The following NFATC1 variants were observed in gnomAD, a reference collection of about 807,000 sequenced individuals.
NFATC1 encodes nuclear factor of activated T-cells, cytoplasmic 1.
A neutral mutation model predicts 76.0 loss-of-function variants in NFATC1; 22 were observed. That is an observed-to-expected ratio of 0.29 (90% CI 0.21 to 0.41). The LOEUF (loss-of-function observed/expected upper bound fraction) is 0.41. Ranked by LOEUF, NFATC1 falls within the 10% of genes least tolerant of loss-of-function variation. The probability of loss-of-function intolerance (pLI) is 1.00; values close to 1 mark genes in which losing one functional copy is unlikely to be tolerated. For synonymous variants in NFATC1, 704 were observed against 613.1 expected, an observed-to-expected ratio of 1.15 and a Z score of -2.19; for missense variants, 1,357 against 1,337.7, an observed-to-expected ratio of 1.01 and a Z score of -0.23.
intron 2 of NFATC1, among the ~76,000 whole-genome samples, chr18:79,425,629 G>A (rs745389416): frequency 1.2e-4 from 18 of 152,220 alleles, no homozygotes; most frequent in Non-Finnish European, 2.5e-4. Flanking sequence ...TTCTGCTGCC[G>A]AGGGCGCGAT....
chr18:79,491,336 CAG>C lies in NFATC1; in HGVS notation c.2782+4401_2782+4402del, dbSNP rs1037601525. 1.3e-3 allele frequency among the ~76,000 whole-genome samples: 203 copies of C among 152,236 alleles called. 1 individual carries two copies. Among genetic ancestry groups the C allele is most frequent in the Non-Finnish European group, 4.9e-4 (33 of 68,006 alleles). ...CTGGAGAAGGAGCAGAGACGAGAGACAGAAACAACACGAACCCCAGGTCAAGT... is the reference window on the plus strand; with the variant it reads ...CTGGAGAAGGAGCAGAGACGAGAGACAAACAACACGAACCCCAGGTCAAGT... On this transcript the variant is annotated intron_variant, in intron 9 of 9. Transcript: ENST00000427363.
Position 79,395,992 on chromosome 18 carries a change from AGCAGGGCGCGGGCACCGGGGCGCGG to A in NFATC1, c.-225_-201del, listed in dbSNP as rs1163927943. 8 of 255,922 alleles carry A rather than the reference AGCAGGGCGCGGGCACCGGGGCGCGG, an allele frequency of 3.1e-5. No individual in the cohort carries two copies. The highest frequency in any genetic ancestry group is 1.3e-3 in the Middle Eastern group (1 of 792). 15.9% of individuals were successfully genotyped at this position (255,922 alleles called of 1,614,324 possible). On this transcript the variant is annotated 5_prime_UTR_variant, in exon 1 of 10. Transcript: ENST00000427363. Reference sequence around the variant, plus strand: ...CGGAGTCGCCGCGCCAGATCCCAGCAGCAGGGCGCGGGCACCGGGGCGCGGGCAGGGCTCGGAGCCACCGCGCAGG... The same window carrying A: ...CGGAGTCGCCGCGCCAGATCCCAGCAGCAGGGCTCGGAGCCACCGCGCAGG...
In NFATC1 at chr18:79,528,230, A is replaced by G. The variant is rs979085054; in HGVS notation, c.*653A>G. Reference sequence around the variant, plus strand: ...CCCTTGTCTGCGCGGTTGAAACCGTAGGCTTGTTCATAGTCGCATGCTCGC... The same window carrying G: ...CCCTTGTCTGCGCGGTTGAAACCGTGGGCTTGTTCATAGTCGCATGCTCGC... On this transcript the variant is annotated 3_prime_UTR_variant, in exon 10 of 10. Transcript: ENST00000427363. 2.2e-5 allele frequency: 7 copies of G among 313,480 alleles called. No individual in the cohort carries two copies. Among genetic ancestry groups the G allele is most frequent in the African/African-American group, 1.5e-4 (7 of 46,870 alleles). 19.4% of individuals were successfully genotyped at this position (313,480 alleles called of 1,614,324 possible).
chr18:79,513,866 G>A lies in NFATC1; in HGVS notation c.2783-13662G>A, dbSNP rs545746599. On this transcript the variant is annotated intron_variant, in intron 9 of 9. Coordinates refer to ENST00000427363, the MANE Select transcript of NFATC1 (RefSeq NM_001278669.2). ...CTGGCTGTGCCATGTGCATGCCCAC[G>A]TCCAGGACGGGCCACTGTGGAGCCC... Among the ~76,000 whole-genome samples, 10 of 152,324 alleles carry A rather than the reference G, an allele frequency of 6.6e-5. No homozygotes were observed. In the East Asian group the frequency reaches 9.7e-4, roughly 15 times the overall value.
intron 2 of NFATC1, 69 bp from the exon 3 acceptor site, chr18:79,433,510 C>T: frequency 6.3e-7 from 1 of 1,590,064 alleles, no homozygotes. Context: ...GACGGGTGAG[C>T]ACGGGCACGT....
At chr18:79,411,791 G>A (rs2085697255) in intron 2 of NFATC1, among the ~76,000 whole-genome samples, 2 of 152,238 alleles carry the variant, frequency 1.3e-5, no homozygotes, top group South Asian at 2.1e-4. Flanking sequence ...TGTTCGCTCA[G>A]TCTCTGCAAA....
chr18:79,397,166 C>A (rs923985535), intron 1 of NFATC1, among the ~76,000 whole-genome samples: 1 of 152,176 alleles, frequency 6.6e-6, no homozygotes, highest in Non-Finnish European at 1.5e-5. Context: ...CTGGCGATGC[C>A]GGGTGGGCTC....
intron 9 of NFATC1, among the ~76,000 whole-genome samples, chr18:79,503,205 C>T (rs997257797): frequency 1.3e-5 from 2 of 152,218 alleles, no homozygotes; most frequent in African/African-American, 4.8e-5. Flanking sequence ...GAAAAATCCA[C>T]ACACGAGACC....
At chr18:79,471,166 C>A (rs3786199) in intron 8 of NFATC1, among the ~76,000 whole-genome samples, 17 of 152,240 alleles carry the variant, frequency 1.1e-4, no homozygotes, top group African/African-American at 4.1e-4. Flanking sequence ...CCGGAAGGCG[C>A]GTTAGGAGGG....
intron 1 of NFATC1, among the ~76,000 whole-genome samples, chr18:79,403,835 G>A (rs537587708): frequency 2.6e-5 from 4 of 152,252 alleles, no homozygotes; most frequent in South Asian, 2.1e-4. Flanking sequence ...CGGGGTGTCC[G>A]TGGCTGGTCG....
chr18:79,464,304 A>G (rs1224279264), intron 7 of NFATC1, among the ~76,000 whole-genome samples: 1 of 152,122 alleles, frequency 6.6e-6, no homozygotes, highest in East Asian at 1.9e-4. Context: ...CATGTTGTCC[A>G]GGCTGGTCTT....
In NFATC1 at chr18:79,486,245, C is replaced by A; in HGVS notation, c.2093-3C>A. 1 of 1,591,310 alleles carries A rather than the reference C, an allele frequency of 6.3e-7. No individual in the cohort carries two copies. The highest frequency in any genetic ancestry group is 8.6e-7 in the Non-Finnish European group (1 of 1,165,842). On this transcript the variant is annotated splice_region_variant and splice_polypyrimidine_tract_variant and intron_variant, in intron 8 of 9. Coordinates refer to ENST00000427363, the MANE Select transcript of NFATC1 (RefSeq NM_001278669.2). ...TATTTAATTTTTTTTTTCCTTCTCA[C>A]AGTTCCAATTATAAAAACAGAACCC...
intron 9 of NFATC1, among the ~76,000 whole-genome samples, chr18:79,505,806 G>T (rs2090108089): frequency 1.3e-5 from 2 of 148,352 alleles, no homozygotes; most frequent in East Asian, 4.0e-4. Flanking sequence ...TGTGTGGGAG[G>T]AGGTGGTGCT....
intron 3 of NFATC1, among the ~76,000 whole-genome samples, chr18:79,439,832 T>G (rs1368911641): frequency 6.6e-6 from 1 of 152,156 alleles, no homozygotes; most frequent in East Asian, 1.9e-4. Flanking sequence ...AGATGCTCGG[T>G]GCTGCTGGGA....
intron 6 of NFATC1, among the ~76,000 whole-genome samples, chr18:79,459,381 G>T (rs2087930933): frequency 6.6e-6 from 1 of 152,250 alleles, no homozygotes; most frequent in Non-Finnish European, 1.5e-5. Flanking sequence ...CCACCTGGAG[G>T]AGGCCGCGGG....
At position 79,425,328 on chromosome 18, in the gene NFATC1, G is replaced by A. The variant is rs777472920; in HGVS notation, c.1227-8251G>A. ...TTCTCTTTTAACTAAGGGAAAAGCCGTCACACAACCAAATGGCCATGAGGC... is the reference window on the plus strand; with the variant it reads ...TTCTCTTTTAACTAAGGGAAAAGCCATCACACAACCAAATGGCCATGAGGC... On this transcript the variant is annotated intron_variant, in intron 2 of 9. Transcript: ENST00000427363. 1.5e-4 allele frequency among the ~76,000 whole-genome samples: 22 copies of A among 149,150 alleles called. 1 individual carries two copies. Among genetic ancestry groups the A allele is most frequent in the Admixed American group, 1.4e-3 (21 of 14,802 alleles).
At chr18:79,488,711 C>T (rs1048341844) in intron 9 of NFATC1, among the ~76,000 whole-genome samples, 6 of 152,210 alleles carry the variant, frequency 3.9e-5, no homozygotes, top group African/African-American at 1.2e-4. Flanking sequence ...CGCTGACATC[C>T]ATGCCTCCAG....
intron 2 of NFATC1, among the ~76,000 whole-genome samples, chr18:79,432,424 GCC>G (rs1342409393): frequency 3.9e-4 from 59 of 151,796 alleles, no homozygotes; most frequent in South Asian, 1.0e-3. Flanking sequence ...GGTGAGGACA[GCC>G]GTTGGGCCCT....
intron 9 of NFATC1, among the ~76,000 whole-genome samples, chr18:79,490,718 G>A (rs1367925648): frequency 1.3e-5 from 2 of 152,166 alleles, no homozygotes; most frequent in Non-Finnish European, 2.9e-5. Flanking sequence ...TAGATGGGTC[G>A]CTGCCTGTCC....
Sources: gnomAD v4.1 joint callset for allele counts (sites outside exome capture counted in the v4.1 genomes callset) on GRCh38, gnomAD v4.1.1 for gene constraint, MANE v1.5 for transcripts, NCBI Gene and HGNC (gene_info 2026-07-23, HGNC 2026-07-21) for gene names.